NBEA: variants seen among roughly 807,000 people sequenced by gnomAD.
NBEA encodes lysosomal-trafficking regulator 2.
Under a neutral mutation model 343.4 loss-of-function variants are expected in NBEA, and 44 were observed. The observed-to-expected ratio is 0.13, with a 90% confidence interval of 0.10 to 0.16. NBEA has a LOEUF of 0.16. NBEA is among the 10% of genes least tolerant of loss of function. The probability of loss-of-function intolerance (pLI) is 1.00; values close to 1 mark genes in which losing one functional copy is unlikely to be tolerated. For missense variants in NBEA, 2,555 were observed against 3,631.3 expected, an observed-to-expected ratio of 0.70 and a Z score of 7.62; for synonymous variants, 1,175 against 1,238.7, an observed-to-expected ratio of 0.95 and a Z score of 1.08.
At chr13:35,262,468 G>T (rs1221601290) in intron 34 of NBEA, among the ~76,000 whole-genome samples, 1 of 152,258 alleles carries the variant, frequency 6.6e-6, no homozygotes, top group South Asian at 2.1e-4. Context: ...TTAAACACAG[G>T]AATGCTACTG....
intron 34 of NBEA, among the ~76,000 whole-genome samples, chr13:35,276,082 G>A (rs1211183390): frequency 6.6e-6 from 1 of 152,094 alleles, no homozygotes; most frequent in African/African-American, 2.4e-5. Context: ...CTGAATACAT[G>A]TAATTTTTAG....
At chr13:35,171,249 T>A in intron 25 of NBEA, 23 bp from the exon 26 acceptor site, 1 of 1,601,512 alleles carries the variant, frequency 6.2e-7, no homozygotes, top group Non-Finnish European at 8.5e-7. Flanking sequence ...TAAACAAGAC[T>A]TAAATCTTCT....
intron 39 of NBEA, among the ~76,000 whole-genome samples, chr13:35,435,569 G>A (rs1174125771): frequency 8.6e-5 from 13 of 151,886 alleles, no homozygotes; most frequent in Admixed American, 6.6e-4. Flanking sequence ...GCGTGTAGAT[G>A]TTTGTTAATA....
At position 35,309,605 on chromosome 13, in the gene NBEA, A is replaced by G; in HGVS notation, c.5903+13A>G. On this transcript the variant is annotated intron_variant, in intron 36 of 58. Transcript: ENST00000379939. ...TCAATGAAGGAAGGTAATTAATTTT[A>G]CAATTTTAGACAACTAGTCAGTGTA... The G allele has an allele frequency of 3.4e-6, 5 of 1,490,688 alleles. No individual in the cohort carries two copies. Among genetic ancestry groups the G allele is most frequent in the Non-Finnish European group, 4.6e-6 (5 of 1,091,066 alleles). The allele number at this position is 1,490,688 out of a possible 1,614,324, so 92.3% of individuals were successfully genotyped here.
chr13:35,472,408 G>C lies in NBEA; in HGVS notation c.6457G>C (p.Val2153Leu). The C allele has an allele frequency of 6.2e-7, 1 of 1,613,532 alleles. No individual in the cohort carries two copies. Among genetic ancestry groups the C allele is most frequent in the Non-Finnish European group, 8.5e-7 (1 of 1,179,790 alleles). The part of the protein sequence containing the change: ...KEIDNLAGPV[V>L]LSTPAQLIAP... Reference sequence around the variant, plus strand: ...TTGTCCTTGCCTTGCAGGCCCAGTGGTTCTCAGCACCCCTGCCCAGCTCAT... The same window carrying C: ...TTGTCCTTGCCTTGCAGGCCCAGTGCTTCTCAGCACCCCTGCCCAGCTCAT... The change falls in exon 41 of 59, where the codon GTT becomes CTT. Residue 2153 changes from valine to leucine, a missense_variant. Val to Leu is a conservative substitution (Grantham distance 32, BLOSUM62 1). Transcript: ENST00000379939.
intron 31 of NBEA, among the ~76,000 whole-genome samples, chr13:35,207,051 T>C (rs537257276): frequency 6.6e-6 from 1 of 152,128 alleles, no homozygotes; most frequent in African/African-American, 2.4e-5. Flanking sequence ...TAGAAGGAGA[T>C]AGTGAAGAAA....
chr13:35,472,109 A>G (rs144989523), intron 40 of NBEA, among the ~76,000 whole-genome samples: 1 of 152,276 alleles, frequency 6.6e-6, no homozygotes, highest in African/African-American at 2.4e-5. Flanking sequence ...CTTTTAAGTA[A>G]GTTAATGGCA....
chr13:35,032,495 G>GT (rs939902248), intron 1 of NBEA, among the ~76,000 whole-genome samples: 11 of 151,260 alleles, frequency 7.3e-5, no homozygotes, highest in African/African-American at 1.9e-4. Context: ...TTTTAGTGGG[G>GT]TTTTTTTTCT....
At chr13:35,147,021 G>A (rs1593505407) in intron 18 of NBEA, among the ~76,000 whole-genome samples, 1 of 152,130 alleles carries the variant, frequency 6.6e-6, no homozygotes, top group East Asian at 1.9e-4. Flanking sequence ...GGCATCTCTG[G>A]AACAAAGCTG....
intron 38 of NBEA, among the ~76,000 whole-genome samples, chr13:35,415,467 C>T (rs1594548829): frequency 6.6e-6 from 1 of 152,062 alleles, no homozygotes; most frequent in East Asian, 1.9e-4. Flanking sequence ...GCCAGTTTTC[C>T]CAGCACCATT....
intron 38 of NBEA, among the ~76,000 whole-genome samples, chr13:35,352,712 A>G (rs1246479958): frequency 6.6e-6 from 1 of 152,118 alleles, no homozygotes; most frequent in Non-Finnish European, 1.5e-5. Flanking sequence ...TTTTTTATAC[A>G]GAAGCATATA....
rs1306353401 is a variant in NBEA, at chr13:35,210,014, CTG to C, written c.5522-1037_5522-1036del. On this transcript the variant is annotated intron_variant, in intron 32 of 58. Coordinates refer to ENST00000379939, the MANE Select transcript of NBEA (RefSeq NM_001385012.1). ...CAGCTTTCTAGAAATAGGAGTAAAA[CTG>C]TTTTTCTTTTACTAAAGTATATACG... is the stretch of plus-strand genomic sequence containing the variant. 3.9e-5 allele frequency among the ~76,000 whole-genome samples: 6 copies of C among 152,060 alleles called. No homozygotes were observed. In the East Asian group the frequency reaches 7.7e-4, roughly 20 times the overall value.
chr13:35,041,648 T>G (rs2062654327), intron 2 of NBEA, among the ~76,000 whole-genome samples: 2 of 151,940 alleles, frequency 1.3e-5, no homozygotes, highest in South Asian at 4.1e-4. Context: ...TGGAAGAAAC[T>G]TTTGTATTAA....
intron 40 of NBEA, among the ~76,000 whole-genome samples, chr13:35,455,482 T>C (rs1050588099): frequency 2.6e-5 from 4 of 152,032 alleles, no homozygotes; most frequent in African/African-American, 9.7e-5. Context: ...TTTTTCGACA[T>C]ATAAATGATG....
At chr13:35,006,334 A>G (rs117660391) in intron 1 of NBEA, among the ~76,000 whole-genome samples, 6,959 of 152,042 alleles carry the variant, frequency 0.046, 241 homozygotes, top group Non-Finnish European at 0.067. Context: ...TGTTTGATTT[A>G]TTAAAGGGTA....
Position 35,247,246 on chromosome 13 carries a change from T to G in NBEA, c.5776+14627T>G, listed in dbSNP as rs2031347689. Among the ~76,000 whole-genome samples the G allele has an allele frequency of 2.0e-5, 3 of 152,184 alleles. No individual in the cohort carries two copies. The South Asian group carries it at 6.2e-4, about 32-fold the overall frequency. On this transcript the variant is annotated intron_variant, in intron 34 of 58. Coordinates refer to ENST00000379939, the MANE Select transcript of NBEA (RefSeq NM_001385012.1). ...AGAAAGCAAGCAGGGCTTCTGCGTCTCCTGCCTGTCATGTCTTCACACTGA... is the reference window on the plus strand; with the variant it reads ...AGAAAGCAAGCAGGGCTTCTGCGTCGCCTGCCTGTCATGTCTTCACACTGA...
intron 35 of NBEA, among the ~76,000 whole-genome samples, chr13:35,305,608 C>T (rs904301785): frequency 6.6e-6 from 1 of 152,124 alleles, no homozygotes; most frequent in Non-Finnish European, 1.5e-5. Flanking sequence ...TTCCCTCCAT[C>T]TTGGCTGCCA....
In NBEA at chr13:35,150,511, G is replaced by A. The variant is rs572249835; in HGVS notation, c.2446-5263G>A. ...TATCAATTTAATTTTTGTTAACATA[G>A]TAAAGGAAATTTAACTGAAAAAGGA... is the stretch of plus-strand genomic sequence containing the variant. On this transcript the variant is annotated intron_variant, in intron 18 of 58. Coordinates refer to ENST00000379939, the MANE Select transcript of NBEA (RefSeq NM_001385012.1). Among the ~76,000 whole-genome samples, 365 of 152,164 alleles carry A rather than the reference G, an allele frequency of 2.4e-3. 3 individuals carry two copies. Among genetic ancestry groups the A allele is most frequent in the African/African-American group, 8.6e-3 (358 of 41,526 alleles).
intron 48 of NBEA, among the ~76,000 whole-genome samples, chr13:35,621,086 C>G (rs1224748834): frequency 6.6e-6 from 1 of 152,184 alleles, no homozygotes; most frequent in East Asian, 1.9e-4. Flanking sequence ...TAATCTTTTT[C>G]AGGACATCGA....
Sources: gnomAD v4.1 joint callset for allele counts (sites outside exome capture counted in the v4.1 genomes callset) on GRCh38, gnomAD v4.1.1 for gene constraint, MANE v1.5 for transcripts, NCBI Gene and HGNC (gene_info 2026-07-23, HGNC 2026-07-21) for gene names.